The following ZNF619 variants were observed in gnomAD, a reference collection of about 807,000 sequenced individuals.
The protein encoded by ZNF619 is zinc finger protein 619.
A neutral mutation model predicts 14.2 loss-of-function variants in ZNF619; 9 were observed. The observed-to-expected ratio is 0.64, with a 90% CI of 0.38 to 1.11. The LOEUF (loss-of-function observed/expected upper bound fraction) is 1.11. Among genes scored for constraint, ZNF619 ranks in the 50% least tolerant of loss-of-function variants. The pLI is 0.01. For synonymous variants in ZNF619, 246 were observed against 252.8 expected, an observed-to-expected ratio of 0.97 and a Z score of 0.26; for missense variants, 659 against 680.1, an observed-to-expected ratio of 0.97 and a Z score of 0.34.
At position 40,488,047 on chromosome 3, in the gene ZNF619, C is replaced by T. The variant is rs1373733117; in HGVS notation, c.1537C>T (p.Leu513=). The change falls in exon 5 of 5, where the codon CTA becomes TTA. Residue 513 remains leucine, a synonymous_variant. Coordinates refer to ENST00000432264, the MANE Select transcript of ZNF619 (RefSeq NM_001145093.4). ...PLPPQHTCSA[L]APPGPPLSSS... ...GCCTCCCCAACATACCTGCTCTGCC[C>T]TAGCCCCACCAGGGCCTCCCTTATC... 35 of 1,614,078 alleles carry T rather than the reference C, an allele frequency of 2.2e-5. No homozygotes were observed. The highest frequency in any genetic ancestry group is 2.7e-5 in the Non-Finnish European group (32 of 1,180,028).
Position 40,482,622 on chromosome 3 carries a change from C to T in ZNF619, c.213C>T (p.Phe71=). 6.2e-7 allele frequency: 1 copy of T among 1,614,172 alleles called. No individual in the cohort carries two copies. The highest frequency in any genetic ancestry group is 8.5e-7 in the Non-Finnish European group (1 of 1,180,030). The part of the protein sequence containing the change: ...AFPFPKPDLI[F]QLEQGEAAWG... The stretch of plus-strand genomic sequence containing the variant: ...CATTCCCCAAACCAGATCTGATATT[C>T]CAGCTGGAGCAAGGAGAAGCAGCAT... Residue 71 remains phenylalanine (F), a synonymous_variant, in exon 4 of 5, where the codon TTC becomes TTT. Coordinates refer to ENST00000432264, the MANE Select transcript of ZNF619 (RefSeq NM_001145093.4).
chr3:40,481,765 C>T (rs1697400864), intron 2 of ZNF619, 98 bp from the exon 3 acceptor site: 4 of 1,487,610 alleles, frequency 2.7e-6, no homozygotes, highest in Non-Finnish European at 3.6e-6. Flanking sequence ...GTGTGGCTCT[C>T]CTTGCCAGTA....
At position 40,477,124 on chromosome 3, in the gene ZNF619, A is replaced by G. The variant is rs1236325902; in HGVS notation, c.-296A>G. 2.6e-5 allele frequency: 4 copies of G among 152,288 alleles called. No individual in the cohort carries two copies. Among genetic ancestry groups the G allele is most frequent in the South Asian group, 2.1e-4 (1 of 4,836 alleles). The allele number at this position is 152,288 out of a possible 1,614,324, so 9.4% of individuals were successfully genotyped here. A position where few individuals can be genotyped will look rare whatever the true frequency, so the allele number is the denominator to read the frequency against. On this transcript the variant is annotated 5_prime_UTR_variant, in exon 1 of 5. Coordinates refer to ENST00000432264, the MANE Select transcript of ZNF619 (RefSeq NM_001145093.4). ...CCTCCCGGCTTCCTAGAGAGGCTGTAGGGACCGACGGCCGGCCAGCTAATG... is the reference window on the plus strand; with the variant it reads ...CCTCCCGGCTTCCTAGAGAGGCTGTGGGGACCGACGGCCGGCCAGCTAATG...
At chr3:40,484,606 T>C (rs1050935179) in intron 4 of ZNF619, among the ~76,000 whole-genome samples, 2 of 152,226 alleles carry the variant, frequency 1.3e-5, no homozygotes, top group Non-Finnish European at 2.9e-5. Flanking sequence ...CCTGCAGTTG[T>C]TAGTGTTTCC....
intron 4 of ZNF619, among the ~76,000 whole-genome samples, 180 bp from the exon 5 acceptor site, chr3:40,486,626 G>A (rs1336487835): frequency 1.3e-5 from 2 of 151,946 alleles, no homozygotes; most frequent in African/African-American, 4.8e-5. Flanking sequence ...ACTTGAACCT[G>A]GGATGCGGAG....
rs143276223 is a variant in ZNF619, at chr3:40,488,247, G to T, written c.*6G>T. On this transcript the variant is annotated 3_prime_UTR_variant, in exon 5 of 5. Transcript: ENST00000432264. ...CTTTGTCTCACTCCCTGTAAGCCCC[G>T]TCACGTTCTCAAAATCCTTTGCACC... The T allele has an allele frequency of 4.4e-5, 62 of 1,411,032 alleles. No individual in the cohort carries two copies. In the African/African-American group the frequency reaches 7.4e-4, roughly 17 times the overall value. The allele number at this position is 1,411,032 out of a possible 1,614,324, so 87.4% of individuals were successfully genotyped here.
At chr3:40,480,909 A>T (rs1026971915) in intron 2 of ZNF619, among the ~76,000 whole-genome samples, 2 of 152,180 alleles carry the variant, frequency 1.3e-5, no homozygotes, top group African/African-American at 4.8e-5. Context: ...TGAGTCAGAG[A>T]TAGATGTTTT....
At position 40,482,011 on chromosome 3, in the gene ZNF619, C is replaced by T. The variant is rs1238191530; in HGVS notation, c.173C>T (p.Ser58Phe). Residue 58 changes from serine to phenylalanine, a missense_variant, in exon 3 of 5, where the codon TCC becomes TTC. Ser to Phe is a radical substitution (Grantham distance 155). Coordinates refer to ENST00000432264, the MANE Select transcript of ZNF619 (RefSeq NM_001145093.4). ...CTGGAGAATTATGCAAATGTGACTT[C>T]CTTGTGTAAGTCCTCCTTCCTCTCT... is the stretch of plus-strand genomic sequence containing the variant. ...VMLENYANVT[S>F]LSAFPFPKPD... 6.3e-7 allele frequency: 1 copy of T among 1,594,990 alleles called. No homozygotes were observed. Among genetic ancestry groups the T allele is most frequent in the South Asian group, 1.1e-5 (1 of 87,540 alleles).
In ZNF619 at chr3:40,487,402, A is replaced by G. The variant is rs1435364230; in HGVS notation, c.892A>G (p.Ser298Gly). The G allele has an allele frequency of 1.9e-6, 3 of 1,614,118 alleles. No homozygotes were observed. In the African/African-American group the frequency reaches 4.0e-5, roughly 22 times the overall value. ...ATGTACTGACTGTGGTAAAACCTTC[A>G]GTTATAATTCAAAACTGATTCGGCA... ...YECTDCGKTF[S>G]YNSKLIRHQR... The change falls in exon 5 of 5, where the codon AGT becomes GGT. Residue 298 changes from serine to glycine, a missense_variant. Physicochemically the swap from Ser to Gly is moderately conservative, Grantham distance 56. Transcript: ENST00000432264.
Position 40,490,867 on chromosome 3 carries a change from A to C in ZNF619, c.*2626A>C, listed in dbSNP as rs1697783573. Among the ~76,000 whole-genome samples the C allele has an allele frequency of 6.6e-6, 1 of 152,152 alleles. No individual in the cohort carries two copies. The highest frequency in any genetic ancestry group is 2.4e-5 in the African/African-American group (1 of 41,434). On this transcript the variant is annotated 3_prime_UTR_variant, in exon 5 of 5. Coordinates refer to ENST00000432264, the MANE Select transcript of ZNF619 (RefSeq NM_001145093.4). ...ATACATGGCATGGGGGTTGGTGCCC[A>C]TATGATGGGACTGATGGCTTTATAA... is the stretch of plus-strand genomic sequence containing the variant.
intron 1 of ZNF619, 78 bp from the exon 2 acceptor site, chr3:40,477,840 T>C (rs1403217579): frequency 1.5e-5 from 11 of 724,168 alleles, no homozygotes; most frequent in Non-Finnish European, 4.8e-6. Context: ...TCTGCAATGC[T>C]AGTGGCAGGA....
Position 40,488,719 on chromosome 3 carries a change from G to C in ZNF619, c.*478G>C, listed in dbSNP as rs1469418248. On this transcript the variant is annotated 3_prime_UTR_variant, in exon 5 of 5. Coordinates refer to ENST00000432264, the MANE Select transcript of ZNF619 (RefSeq NM_001145093.4). ...TCTTGTCACCCAGGCTGTTTGCAGT[G>C]GTGTGATCTTGGCTCACTGCAACCT... 6.4e-6 allele frequency: 1 copy of C among 155,562 alleles called. No homozygotes were observed. The allele number at this position is 155,562 out of a possible 1,614,324, so 9.6% of individuals were successfully genotyped here.
intron 4 of ZNF619, 43 bp from the exon 5 acceptor site, chr3:40,486,763 G>A (rs1697592732): frequency 1.4e-6 from 2 of 1,468,204 alleles, no homozygotes; most frequent in East Asian, 2.3e-5. Context: ...TTTCCCTTCT[G>A]GAATAAATAA....
In ZNF619 at chr3:40,487,102, G is replaced by A; in HGVS notation, c.592G>A (p.Ala198Thr). 6.2e-7 allele frequency: 1 copy of A among 1,614,112 alleles called. No individual in the cohort carries two copies. The change falls in exon 5 of 5, where the codon GCC becomes ACC. Residue 198 changes from alanine to threonine, a missense_variant. Coordinates refer to ENST00000432264, the MANE Select transcript of ZNF619 (RefSeq NM_001145093.4). ...STHLITKQGF[A>T]KEQVFYKCGE... ...ACATCTCATTACAAAGCAGGGTTTT[G>A]CCAAAGAACAGGTGTTTTATAAATG...
chr3:40,487,693 A>G lies in ZNF619; in HGVS notation c.1183A>G (p.Thr395Ala), dbSNP rs200662904. 4 of 1,614,128 alleles carry G rather than the reference A, an allele frequency of 2.5e-6. No individual in the cohort carries two copies. Among genetic ancestry groups the G allele is most frequent in the South Asian group, 2.2e-5 (2 of 91,076 alleles). ...SVFLQHQRFH[T>A]GEQLYKCNEC... The stretch of plus-strand genomic sequence containing the variant: ...ATTTCTTCAGCACCAGAGGTTCCAC[A>G]CTGGGGAACAACTCTACAAATGTAA... Residue 395 changes from threonine (T) to alanine (A), a missense_variant, in exon 5 of 5, where the codon ACT becomes GCT. Thr to Ala is a moderately conservative substitution (Grantham distance 58). Transcript: ENST00000432264.
chr3:40,488,149 T>G lies in ZNF619; in HGVS notation c.1639T>G (p.Ser547Ala). The change falls in exon 5 of 5, where the codon TCA (serine) becomes GCA (alanine). Residue 547 changes from serine (S) to alanine (A), a missense_variant. Physicochemically the swap from Ser to Ala is moderately conservative, Grantham distance 99 (BLOSUM62 1). Coordinates refer to ENST00000432264, the MANE Select transcript of ZNF619 (RefSeq NM_001145093.4). ...TCCCTCATCTGAAAAGGCCAACCCT[T>G]CACCTGTCCAAATAGCACATTTTTT... ...LLPSSEKANP[S>A]PVQIAHFFQD... 1 of 1,614,024 alleles carries G rather than the reference T, an allele frequency of 6.2e-7. No individual in the cohort carries two copies. The highest frequency in any genetic ancestry group is 8.5e-7 in the Non-Finnish European group (1 of 1,179,936).
At chr3:40,480,654 A>G (rs1342334598) in intron 2 of ZNF619, among the ~76,000 whole-genome samples, 2 of 152,002 alleles carry the variant, frequency 1.3e-5, no homozygotes, top group Non-Finnish European at 2.9e-5. Context: ...GCCTGCCACC[A>G]CGCCCGGCTA....
Position 40,481,860 on chromosome 3 carries a change from C to T in ZNF619, c.25-3C>T, listed in dbSNP as rs1360048389. On this transcript the variant is annotated splice_region_variant and splice_polypyrimidine_tract_variant and intron_variant, in intron 2 of 4. Transcript: ENST00000432264. ...TCAGGCCTCTCCCTCTGTTCTTGTG[C>T]AGGGCTTGGGCAGGAACCTGTTGTT... 1.3e-6 allele frequency: 2 copies of T among 1,598,448 alleles called. No homozygotes were observed. Among genetic ancestry groups the T allele is most frequent in the South Asian group, 1.1e-5 (1 of 88,648 alleles).
chr3:40,478,003 G>A lies in ZNF619; in HGVS notation c.24G>A (p.Gln8=). 1 of 1,553,436 alleles carries A rather than the reference G, an allele frequency of 6.4e-7. No homozygotes were observed. Among genetic ancestry groups the A allele is most frequent in the Non-Finnish European group, 8.7e-7 (1 of 1,147,710 alleles). MLQTVWF[Q]GLGRNLLFQE... ...CCATGCTCCAGACAGTGTGGTTCCA[G>A]GTGAGCAGAGCTTTCTTTCAGCTTT... The change falls in exon 2 of 5, where the codon CAG becomes CAA. Residue 8 remains glutamine, a splice_region_variant and synonymous_variant. Transcript: ENST00000432264.
Sources: allele counts gnomAD v4.1 joint callset (sites outside exome capture counted in the v4.1 genomes callset), GRCh38; gene constraint gnomAD v4.1.1; transcripts MANE v1.5; gene names NCBI Gene and HGNC (gene_info 2026-07-23, HGNC 2026-07-21).